Variants in XPO4 observed in about 807,000 individuals in gnomAD.
XPO4 encodes the protein exportin 4.
A neutral mutation model predicts 143.0 loss-of-function variants in XPO4; 39 were observed. The ratio of observed to expected loss-of-function variants is 0.27; its 90% confidence interval spans 0.21 to 0.36. The LOEUF (loss-of-function observed/expected upper bound fraction) is 0.36. Ranked by LOEUF, XPO4 falls within the 10% of genes least tolerant of loss-of-function variation. The pLI is 1.00. For missense variants in XPO4, 907 were observed against 1,348.0 expected, an observed-to-expected ratio of 0.67 and a Z score of 5.12; for synonymous variants, 439 against 474.0, an observed-to-expected ratio of 0.93 and a Z score of 0.96.
intron 1 of XPO4, among the ~76,000 whole-genome samples, chr13:20,870,293 T>C (rs953919141): frequency 6.6e-6 from 1 of 150,864 alleles, no homozygotes; most frequent in African/African-American, 2.4e-5. Context: ...TAGCCAGGCA[T>C]GGTGGTGCAC....
intron 1 of XPO4, among the ~76,000 whole-genome samples, chr13:20,900,662 G>C (rs562545146): frequency 2.3e-4 from 35 of 151,054 alleles, no homozygotes; most frequent in African/African-American, 8.3e-4. Context: ...GCCCAGACTG[G>C]AGTGCAGCAG....
intron 6 of XPO4, among the ~76,000 whole-genome samples, chr13:20,834,676 A>C (rs574484760): frequency 6.6e-6 from 1 of 152,128 alleles, no homozygotes; most frequent in African/African-American, 2.4e-5. Flanking sequence ...AAATAAATCC[A>C]GGCCAAGCCC....
At chr13:20,845,126 C>T (rs1489390841) in intron 4 of XPO4, among the ~76,000 whole-genome samples, 1 of 152,220 alleles carries the variant, frequency 6.6e-6, no homozygotes, top group African/African-American at 2.4e-5. Flanking sequence ...GAGCCGAGAT[C>T]GCGCCACTAC....
chr13:20,848,469 A>G (rs1417342889), intron 4 of XPO4: 1 of 985,328 alleles, frequency 1.0e-6, no homozygotes, highest in Non-Finnish European at 1.2e-6. Context: ...AAATTGCATA[A>G]TGCTTAAAAA....
At chr13:20,839,579 G>A (rs1180255739) in intron 6 of XPO4, among the ~76,000 whole-genome samples, 1 of 152,296 alleles carries the variant, frequency 6.6e-6, no homozygotes. Flanking sequence ...GCTCATGCCT[G>A]TAATGCCAGC....
chr13:20,824,949 G>C (rs992396314), intron 7 of XPO4, among the ~76,000 whole-genome samples: 3 of 152,190 alleles, frequency 2.0e-5, no homozygotes, highest in Admixed American at 6.5e-5. Flanking sequence ...AGGCTGTGCT[G>C]AATATAGATG....
At chr13:20,804,950 TG>T (rs1458689098) in intron 13 of XPO4, among the ~76,000 whole-genome samples, 1 of 132,122 alleles carries the variant, frequency 7.6e-6, no homozygotes, top group Non-Finnish European at 1.5e-5. Flanking sequence ...TTTTGCATTT[TG>T]TTTTTTTTTT....
chr13:20,823,290 C>CT (rs200497093), intron 7 of XPO4, among the ~76,000 whole-genome samples: 3,133 of 152,242 alleles, frequency 0.021, 84 homozygotes, highest in Middle Eastern at 0.075. Context: ...TTCTAAATTA[C>CT]TTCAGGTCAG....
intron 16 of XPO4, 82 bp downstream of exon 16, chr13:20,799,083 C>T (rs2059398242): frequency 7.7e-7 from 1 of 1,304,496 alleles, no homozygotes. Context: ...TTTATGTCTC[C>T]AGAGACTCTT....
intron 9 of XPO4, among the ~76,000 whole-genome samples, chr13:20,816,797 AT>A (rs1260935207): frequency 6.6e-6 from 1 of 152,276 alleles, no homozygotes; most frequent in African/African-American, 2.4e-5. Flanking sequence ...CATTAAAACA[AT>A]TCTTAAAACA....
In XPO4 at chr13:20,780,515, G is replaced by A. The variant is rs923236091; in HGVS notation, c.*3207C>T. ...GTTAAGGGGAGTGTTAAATAATGCTGACTGGGGGGAAATGATATAGATACT... is the reference window on the plus strand; with the variant it reads ...GTTAAGGGGAGTGTTAAATAATGCTAACTGGGGGGAAATGATATAGATACT... On this transcript the variant is annotated 3_prime_UTR_variant, in exon 23 of 23. Coordinates refer to ENST00000255305, the MANE Select transcript of XPO4 (RefSeq NM_022459.5). 6.6e-6 allele frequency: 1 copy of A among 152,136 alleles called. No individual in the cohort carries two copies. The highest frequency in any genetic ancestry group is 1.5e-5 in the Non-Finnish European group (1 of 68,016). The allele number at this position is 152,136 out of a possible 1,614,324, so 9.4% of individuals were successfully genotyped here. A position where few individuals can be genotyped will look rare whatever the true frequency, so the allele number is the denominator to read the frequency against.
chr13:20,817,670 G>A (rs891500646), intron 9 of XPO4, among the ~76,000 whole-genome samples: 3 of 152,260 alleles, frequency 2.0e-5, no homozygotes, highest in Admixed American at 2.0e-4. Flanking sequence ...AAGAAACCAA[G>A]AAACAAACTA....
At chr13:20,891,121 T>TA (rs1566629726) in intron 1 of XPO4, among the ~76,000 whole-genome samples, 45 of 86,030 alleles carry the variant, frequency 5.2e-4, no homozygotes, top group South Asian at 2.9e-3. Flanking sequence ...CCATCTCAAT[T>TA]TAAAAAAAAA....
intron 4 of XPO4, among the ~76,000 whole-genome samples, chr13:20,853,458 T>A (rs2060111325): frequency 6.6e-6 from 1 of 151,836 alleles, no homozygotes; most frequent in African/African-American, 2.4e-5. Flanking sequence ...GAGGCTGAAG[T>A]GAGCTATGCA....
intron 13 of XPO4, among the ~76,000 whole-genome samples, chr13:20,807,167 G>A (rs1048949393): frequency 7.2e-5 from 11 of 152,134 alleles, no homozygotes; most frequent in Admixed American, 2.6e-4. Context: ...ATGGACAGGC[G>A]TTATGTTCCT....
At chr13:20,850,886 G>A in intron 4 of XPO4, 1 of 985,322 alleles carries the variant, frequency 1.0e-6, no homozygotes, top group Non-Finnish European at 1.2e-6. Flanking sequence ...AGAGGTGTGA[G>A]GGGAAAATTA....
intron 1 of XPO4, among the ~76,000 whole-genome samples, chr13:20,888,068 G>A (rs1467745602): frequency 6.6e-6 from 1 of 151,364 alleles, no homozygotes; most frequent in African/African-American, 2.4e-5. Flanking sequence ...CCAGCTACTC[G>A]GGAGGCTGAG....
intron 10 of XPO4, 128 bp downstream of exon 10, chr13:20,809,663 C>G: frequency 9.5e-7 from 1 of 1,053,140 alleles, no homozygotes; most frequent in Non-Finnish European, 1.3e-6. Flanking sequence ...AGAACAAGGC[C>G]ACTTTTGCTC....
intron 4 of XPO4, among the ~76,000 whole-genome samples, chr13:20,844,367 A>T (rs1228853009): frequency 6.6e-6 from 1 of 152,186 alleles, no homozygotes; most frequent in Non-Finnish European, 1.5e-5. Flanking sequence ...AACAGATTTT[A>T]TAGTGTCCAA....
Sources: allele counts gnomAD v4.1 joint callset (sites outside exome capture counted in the v4.1 genomes callset), GRCh38; gene constraint gnomAD v4.1.1; transcripts MANE v1.5; gene names NCBI Gene and HGNC (gene_info 2026-07-23, HGNC 2026-07-21).